The following DNAH6 variants were observed in gnomAD, a reference collection of about 807,000 sequenced individuals.
DNAH6 encodes axonemal beta dynein heavy chain 6.
In DNAH6, 340 loss-of-function variants were observed where a neutral mutation model predicts 491.4. That is an observed-to-expected ratio of 0.69 (90% CI 0.63 to 0.76). The LOEUF is 0.76. DNAH6 is among the 30% of genes least tolerant of loss of function. The pLI is 0.00. For synonymous variants in DNAH6, 1,603 were observed against 1,686.1 expected (o/e 0.95, Z 1.21); for missense variants, 4,443 against 4,972.2 (o/e 0.89, Z 3.20).
In DNAH6 at chr2:84,815,906, G is replaced by C. The variant is rs1232636696; in HGVS notation, c.12196G>C (p.Asp4066His). ...DGVLVHGMFM[D>H]ASRWDDKEMV... ...TGTTCTTGTTCATGGGATGTTCATGGATGCTTCTCGATGGGATGATAAGGA... is the reference window on the plus strand; with the variant it reads ...TGTTCTTGTTCATGGGATGTTCATGCATGCTTCTCGATGGGATGATAAGGA... Residue 4066 changes from aspartate (D) to histidine (H), a missense_variant, in exon 76 of 77, where the codon GAT (aspartate) becomes CAT (histidine). Around this residue, in one of 3 missense-constraint regions of DNAH6, gnomAD observed 1,463 missense variants for 1,656.6 expected, o/e 0.88. Coordinates refer to ENST00000389394, the MANE Select transcript of DNAH6 (RefSeq NM_001370.2). The C allele has an allele frequency of 1.9e-6, 3 of 1,551,750 alleles. No individual in the cohort carries two copies. Among genetic ancestry groups the C allele is most frequent in the Non-Finnish European group, 2.6e-6 (3 of 1,146,998 alleles).
the DNAH6 span, among the ~76,000 whole-genome samples, chr2:84,489,225 T>A: frequency 1.3e-5 from 2 of 152,182 alleles, no homozygotes; most frequent in Non-Finnish European, 2.9e-5. Flanking sequence ...TCTAATTGAA[T>A]AATTGCTACC....
At chr2:84,544,095 G>T in intron 4 of DNAH6, 138 bp from the exon 5 acceptor site, 1 of 458,158 alleles carries the variant, frequency 2.2e-6, no homozygotes, top group African/African-American at 2.0e-5. Context: ...TGTGAAAGTA[G>T]TTGGTTAGAA....
intron 65 of DNAH6, among the ~76,000 whole-genome samples, chr2:84,782,508 C>T (rs1676788745): frequency 6.6e-6 from 1 of 152,162 alleles, no homozygotes; most frequent in Non-Finnish European, 1.5e-5. Context: ...TTACAGAGTC[C>T]CCAGTCTGCT....
chr2:84,685,988 A>T (rs989313725), intron 43 of DNAH6, among the ~76,000 whole-genome samples: 1 of 152,158 alleles, frequency 6.6e-6, no homozygotes, highest in Non-Finnish European at 1.5e-5. Flanking sequence ...GGAGTTCAAG[A>T]CCAGTCTGGC....
chr2:84,575,980 A>G (rs1419048529), intron 12 of DNAH6, among the ~76,000 whole-genome samples: 3 of 152,208 alleles, frequency 2.0e-5, no homozygotes, highest in African/African-American at 7.2e-5. Flanking sequence ...TATGACCTCA[A>G]TTTCTCTATC....
Position 84,658,420 on chromosome 2 carries a change from C to T in DNAH6, c.5886C>T (p.Leu1962=), listed in dbSNP as rs1277473353. The change falls in exon 36 of 77, where the codon CTC becomes CTT. Residue 1962 remains leucine, a synonymous_variant. Coordinates refer to ENST00000389394, the MANE Select transcript of DNAH6 (RefSeq NM_001370.2). The part of the protein sequence containing the change: ...PQVDISKVTT[L]CCLLESLILG... ...TGGACATCAGCAAAGTTACTACACT[C>T]TGTTGCTTATTGGAGTCCTTGATAC... 1 of 1,546,196 alleles carries T rather than the reference C, an allele frequency of 6.5e-7. No individual in the cohort carries two copies. The highest frequency in any genetic ancestry group is 8.7e-7 in the Non-Finnish European group (1 of 1,144,246).
chr2:84,778,987 T>C (rs890287764), intron 64 of DNAH6, among the ~76,000 whole-genome samples: 1 of 152,348 alleles, frequency 6.6e-6, no homozygotes, highest in East Asian at 1.9e-4. Flanking sequence ...CTATTTTAAT[T>C]CCACTGTTGT....
At chr2:84,818,761 C>T (rs1295224418) in intron 76 of DNAH6, among the ~76,000 whole-genome samples, 1 of 152,146 alleles carries the variant, frequency 6.6e-6, no homozygotes, top group African/African-American at 2.4e-5. Context: ...ATATGAAACT[C>T]ATTTGAATCC....
Position 84,653,640 on chromosome 2 carries a change from AT to A in DNAH6, c.5402del (p.Leu1801TyrfsTer8). The stretch of plus-strand genomic sequence containing the variant: ...ACCCTAAATCAATTACCATGGGTGA[AT>A]TATATGGAGAGGTTAATAACTTAAC... ...LNPKSITMGE[L>X]YGEVNNLTLE... On this transcript the variant is annotated frameshift_variant, in exon 34 of 77. Transcript: ENST00000389394. LOFTEE classifies it high-confidence loss of function. 6.4e-7 allele frequency: 1 copy of A among 1,551,268 alleles called. No individual in the cohort carries two copies. Among genetic ancestry groups the A allele is most frequent in the Non-Finnish European group, 8.7e-7 (1 of 1,146,680 alleles).
In DNAH6 at chr2:84,808,527, G is replaced by A. The variant is rs1202421279; in HGVS notation, c.11724G>A (p.Leu3908=). The change falls in exon 72 of 77, where the codon CTG becomes CTA. Residue 3908 remains leucine (L), a synonymous_variant. Transcript: ENST00000389394. ...LGQEVDRFNN[L]LKLIHTSLET... is the part of the protein sequence containing the mutation. The stretch of plus-strand genomic sequence containing the variant: ...AGGAAGTGGACCGGTTTAACAACCT[G>A]CTGAAGTTAATTCATGTATGAGAGC... 28 of 1,551,616 alleles carry A rather than the reference G, an allele frequency of 1.8e-5. No homozygotes were observed. Among genetic ancestry groups the A allele is most frequent in the Non-Finnish European group, 2.4e-5 (27 of 1,146,954 alleles).
intron 19 of DNAH6, 111 bp downstream of exon 19, chr2:84,604,662 C>A: frequency 2.7e-6 from 2 of 732,700 alleles, no homozygotes; most frequent in Non-Finnish European, 4.4e-6. Flanking sequence ...TTCACTCTCT[C>A]ATTATCAGTC....
chr2:84,558,569 A>G (rs1347988191), intron 11 of DNAH6, among the ~76,000 whole-genome samples: 1 of 152,206 alleles, frequency 6.6e-6, no homozygotes, highest in Non-Finnish European at 1.5e-5. Flanking sequence ...GTGACTCACC[A>G]GCCAACACAA....
intron 50 of DNAH6, among the ~76,000 whole-genome samples, chr2:84,703,802 G>A (rs1696170710): frequency 6.6e-6 from 1 of 152,064 alleles, no homozygotes; most frequent in African/African-American, 2.4e-5. Context: ...GAATAGGACA[G>A]AGAATTGTGA....
chr2:84,669,461 T>A lies in DNAH6; in HGVS notation c.6257T>A (p.Leu2086Gln). 1.9e-6 allele frequency: 3 copies of A among 1,551,924 alleles called. No homozygotes were observed. Among genetic ancestry groups the A allele is most frequent in the Non-Finnish European group, 2.6e-6 (3 of 1,147,012 alleles). ...VRYGYLMEKL[L>Q]AVKHSVLFTG... ...TATGGGTATCTAATGGAAAAACTAC[T>A]GGCAGTCAAGCATTCCGTGTTGTTT... The change falls in exon 38 of 77, where the codon CTG becomes CAG. Residue 2086 changes from leucine (L) to glutamine (Q), a missense_variant. Physicochemically the swap from Leu to Gln is moderately radical, Grantham distance 113. Transcript: ENST00000389394.
At chr2:84,774,952 G>A (rs531982198) in intron 64 of DNAH6, among the ~76,000 whole-genome samples, 1 of 152,018 alleles carries the variant, frequency 6.6e-6, no homozygotes, top group African/African-American at 2.4e-5. Context: ...GGTTGGAGAA[G>A]AAAGATTGTT....
At chr2:84,740,847 T>C (rs1672460571) in intron 62 of DNAH6, among the ~76,000 whole-genome samples, 1 of 152,126 alleles carries the variant, frequency 6.6e-6, no homozygotes, top group Admixed American at 6.5e-5. Flanking sequence ...GAGAGCGTAA[T>C]TCCACCACCT....
the DNAH6 span, among the ~76,000 whole-genome samples, chr2:84,480,654 C>G: frequency 1.3e-5 from 2 of 152,322 alleles, no homozygotes; most frequent in East Asian, 1.9e-4. Context: ...TCAGACATAG[C>G]TGGATCCAGT....
chr2:84,740,648 C>T (rs1166756146), intron 62 of DNAH6, among the ~76,000 whole-genome samples: 2 of 152,088 alleles, frequency 1.3e-5, no homozygotes, highest in African/African-American at 2.4e-5. Context: ...GTGGAGTCTG[C>T]CTCCCTCCCA....
chr2:84,529,965 T>G (rs1676999896), intron 4 of DNAH6, among the ~76,000 whole-genome samples: 1 of 152,178 alleles, frequency 6.6e-6, no homozygotes, highest in African/African-American at 2.4e-5. Flanking sequence ...TAATCAAAAT[T>G]TAAAATGACA....
Sources: gnomAD v4.1 joint callset for allele counts (sites outside exome capture counted in the v4.1 genomes callset) on GRCh38, gnomAD v4.1.1 for gene constraint, gnomAD v4.1.1 regional missense constraint, MANE v1.5 for transcripts, NCBI Gene and HGNC (gene_info 2026-07-23, HGNC 2026-07-21) for gene names.